ALOX5AP: variants seen among roughly 807,000 people sequenced by gnomAD.
ALOX5AP encodes arachidonate 5-lipoxygenase activating protein.
In ALOX5AP, 9 loss-of-function variants were observed where a neutral mutation model predicts 18.5. That is an observed-to-expected ratio of 0.49 (90% CI 0.29 to 0.85). The LOEUF (loss-of-function observed/expected upper bound fraction) is 0.85. ALOX5AP is among the 40% of genes least tolerant of loss of function. The probability of loss-of-function intolerance (pLI) is 0.08; values close to 1 mark genes in which losing one functional copy is unlikely to be tolerated. For missense variants in ALOX5AP, 172 were observed against 202.5 expected (o/e 0.85, Z 0.91); for synonymous variants, 81 against 78.6 (o/e 1.03, Z -0.16).
intron 1 of ALOX5AP, among the ~76,000 whole-genome samples, chr13:30,724,431 C>T (rs886783361): frequency 6.6e-6 from 1 of 152,194 alleles, no homozygotes; most frequent in African/African-American, 2.4e-5. Flanking sequence ...TGAATGTAGG[C>T]TCTGTATACA....
chr13:30,716,084 A>G (rs1468842663), intron 1 of ALOX5AP, among the ~76,000 whole-genome samples: 1 of 152,216 alleles, frequency 6.6e-6, no homozygotes, highest in African/African-American at 2.4e-5. Flanking sequence ...AGAGATCCCC[A>G]AGGACAAGGA....
At chr13:30,751,954 CGATGGT>C in intron 2 of ALOX5AP, 92 bp from the exon 3 acceptor site, 2 of 1,159,942 alleles carry the variant, frequency 1.7e-6, no homozygotes, top group East Asian at 4.8e-5. Context: ...GTTTCATGCA[CGATGGT>C]GATTATTAAC....
At chr13:30,761,487 C>G (rs947234002) in intron 4 of ALOX5AP, among the ~76,000 whole-genome samples, 2 of 152,132 alleles carry the variant, frequency 1.3e-5, no homozygotes, top group Non-Finnish European at 2.9e-5. Flanking sequence ...TTATCTGAAC[C>G]CTCTATTCTC....
intron 1 of ALOX5AP, among the ~76,000 whole-genome samples, chr13:30,739,677 C>T (rs113552155): frequency 1.3e-5 from 2 of 152,344 alleles, no homozygotes; most frequent in African/African-American, 4.8e-5. Context: ...TCAAGTCATC[C>T]TCCTGCCTCG....
chr13:30,725,145 G>A (rs1032432539), intron 1 of ALOX5AP, among the ~76,000 whole-genome samples: 1 of 136,190 alleles, frequency 7.3e-6, no homozygotes, highest in South Asian at 2.3e-4. Flanking sequence ...GAAGATGTCC[G>A]TGAGTTACAG....
At chr13:30,724,594 G>A (rs1215617280) in intron 1 of ALOX5AP, among the ~76,000 whole-genome samples, 2 of 152,180 alleles carry the variant, frequency 1.3e-5, no homozygotes, top group African/African-American at 4.8e-5. Context: ...CCCCAGCATA[G>A]CACCTAATGA....
chr13:30,747,993 G>A (rs1368638419), intron 2 of ALOX5AP, among the ~76,000 whole-genome samples: 4 of 151,956 alleles, frequency 2.6e-5, no homozygotes, highest in Non-Finnish European at 5.9e-5. Context: ...AATCTTGGCT[G>A]ACTGCAACCT....
intron 1 of ALOX5AP, among the ~76,000 whole-genome samples, chr13:30,729,360 C>T (rs190456135): frequency 6.6e-6 from 1 of 152,200 alleles, no homozygotes; most frequent in East Asian, 1.9e-4. Context: ...TAAGAATGTA[C>T]AGTTGTTCTA....
intron 4 of ALOX5AP, among the ~76,000 whole-genome samples, chr13:30,763,397 G>A (rs747679303): frequency 2.6e-5 from 4 of 152,232 alleles, no homozygotes; most frequent in Admixed American, 6.5e-5. Flanking sequence ...CCATTGCTGG[G>A]TGCCCAGGTC....
chr13:30,714,897 A>G (rs902207001), intron 1 of ALOX5AP, among the ~76,000 whole-genome samples: 1 of 152,076 alleles, frequency 6.6e-6, no homozygotes, highest in Non-Finnish European at 1.5e-5. Context: ...GGCACTTATC[A>G]TATTACCCAC....
intron 1 of ALOX5AP, among the ~76,000 whole-genome samples, chr13:30,736,282 A>AAGAG (rs149655927): frequency 6.7e-6 from 1 of 148,934 alleles, no homozygotes. Context: ...ATACTTCAGA[A>AAGAG]AGAGAGAGAG....
In ALOX5AP at chr13:30,744,391, G is replaced by A. The variant is rs191485499; in HGVS notation, c.170+232G>A. ...GGGGATATGGGGCACATTGGTGGAG[G>A]GAGGTGTGATCTCTGCAGCTTCAGA... On this transcript the variant is annotated intron_variant, in intron 2 of 4. Transcript: ENST00000380490. The A allele has an allele frequency of 3.9e-5, 18 of 460,720 alleles. No individual in the cohort carries two copies. The East Asian group carries it at 6.3e-4, about 16-fold the overall frequency. The allele number at this position is 460,720 out of a possible 1,614,324, so 28.5% of individuals were successfully genotyped here. A position where few individuals can be genotyped will look rare whatever the true frequency, so the allele number is the denominator to read the frequency against.
At chr13:30,718,211 A>G (rs4313674) in intron 1 of ALOX5AP, among the ~76,000 whole-genome samples, 151,159 of 151,572 alleles carry the variant, frequency 1, 75,377 homozygotes, top group Middle Eastern at 1. Context: ...CACTTGCCTC[A>G]GCCTCCCAAA....
chr13:30,722,189 C>G (rs893578772), intron 1 of ALOX5AP, among the ~76,000 whole-genome samples: 7 of 152,214 alleles, frequency 4.6e-5, no homozygotes, highest in African/African-American at 1.7e-4. Context: ...CTTACTCTTT[C>G]TCTTTCCTGC....
intron 3 of ALOX5AP, among the ~76,000 whole-genome samples, chr13:30,754,217 C>T (rs1951874175): frequency 1.3e-5 from 2 of 152,178 alleles, no homozygotes; most frequent in Admixed American, 1.3e-4. Context: ...CCAGCCTGGG[C>T]AACAAGAGTG....
rs116188196 is a variant in ALOX5AP at position 30,720,519 on chromosome 13, T to G, written c.116+6678T>G. Among the ~76,000 whole-genome samples the G allele has an allele frequency of 7.2e-3, 1,097 of 152,342 alleles. 13 individuals carry two copies. Among genetic ancestry groups the G allele is most frequent in the African/African-American group, 0.024 (978 of 41,562 alleles). ...TTGGAACCTTATGTTTAATACAGTG[T>G]TAAAAGTTGACAAACATGTAGGAGT... On this transcript the variant is annotated intron_variant, in intron 1 of 5. Coordinates refer to the ALOX5AP transcript ENST00000617770.
chr13:30,748,864 G>C (rs1951829863), intron 2 of ALOX5AP, among the ~76,000 whole-genome samples: 1 of 152,236 alleles, frequency 6.6e-6, no homozygotes, highest in Non-Finnish European at 1.5e-5. Context: ...GGCAGCCATG[G>C]CATTGGGCCC....
intron 1 of ALOX5AP, among the ~76,000 whole-genome samples, chr13:30,718,681 A>G (rs1356544372): frequency 2.0e-5 from 3 of 152,174 alleles, no homozygotes; most frequent in Non-Finnish European, 1.5e-5. Context: ...CACAAAGCTC[A>G]GTGTCAAAAC....
intron 2 of ALOX5AP, among the ~76,000 whole-genome samples, chr13:30,747,718 T>C (rs1951820335): frequency 1.3e-5 from 2 of 152,206 alleles, no homozygotes; most frequent in Admixed American, 6.5e-5. Context: ...AAGTTCTTTA[T>C]AGACAGACTT....
Sources: gnomAD v4.1 joint callset for allele counts (sites outside exome capture counted in the v4.1 genomes callset) on GRCh38, gnomAD v4.1.1 for gene constraint, MANE v1.5 for transcripts, NCBI Gene and HGNC (gene_info 2026-07-23, HGNC 2026-07-21) for gene names.